The following ZNF718 variants were observed in gnomAD, a reference collection of about 807,000 sequenced individuals.
ZNF718 encodes zinc finger protein 718.
In ZNF718, 3 loss-of-function variants were observed where a neutral mutation model predicts 2.6. That is an observed-to-expected ratio of 1.16 (90% CI 0.53 to 3.01). The LOEUF is 3.01. Among genes scored for constraint, ZNF718 ranks in the 30% most tolerant of loss-of-function variants. ZNF718 has a pLI of 0.03. For missense variants in ZNF718, 468 were observed against 230.0 expected (o/e 2.03, Z -6.69); for synonymous variants, 135 against 77.9 (o/e 1.73, Z -3.86).
At chr4:157,231 G>C (rs1270948735) in intron 3 of ZNF718, among the ~76,000 whole-genome samples, 2 of 149,006 alleles carry the variant, frequency 1.3e-5, no homozygotes, top group Non-Finnish European at 3.0e-5. Flanking sequence ...TCCTGCTTCA[G>C]CCTCCTCAGT....
chr4:191,255 T>G (rs1717689062), intron 3 of ZNF718, among the ~76,000 whole-genome samples: 1 of 150,416 alleles, frequency 6.6e-6, no homozygotes. Flanking sequence ...TTCAAGCAAT[T>G]CTCCTGTCTC....
At chr4:155,293 G>T (rs571643258) in intron 3 of ZNF718, among the ~76,000 whole-genome samples, 3 of 152,258 alleles carry the variant, frequency 2.0e-5, no homozygotes, top group South Asian at 4.1e-4. Context: ...TGAGAAGCAG[G>T]CCACTGTCCT....
exon 5 of ZNF718, chr4:202,055 C>G (rs1467330204): frequency 6.6e-6 from 1 of 152,596 alleles, no homozygotes; most frequent in East Asian, 1.9e-4. Context: ...CTATAATTCC[C>G]ATACGTTGTG....
At chr4:187,003 C>T (rs1277130712) in intron 3 of ZNF718, among the ~76,000 whole-genome samples, 1 of 152,102 alleles carries the variant, frequency 6.6e-6, no homozygotes, top group Non-Finnish European at 1.5e-5. Context: ...TTTGAGTTTT[C>T]ATCATGTTTG....
intron 3 of ZNF718, among the ~76,000 whole-genome samples, chr4:178,590 T>C (rs1427704137): frequency 2.0e-5 from 3 of 152,198 alleles, no homozygotes; most frequent in Non-Finnish European, 4.4e-5. Context: ...GCCATGCTAA[T>C]GGGTGAGAGG....
chr4:159,129 T>C lies in ZNF718; in HGVS notation c.227-1783T>C, dbSNP rs555556613. Among the ~76,000 whole-genome samples, 5 of 151,532 alleles carry C rather than the reference T, an allele frequency of 3.3e-5. No homozygotes were observed. The South Asian group carries it at 8.4e-4, about 25-fold the overall frequency. ...TTGGCTCACTGCAACCTCTGCCTCC[T>C]GGGTTCAAGCAATTCTTTTGCCTCA... On this transcript the variant is annotated intron_variant, in intron 3 of 3. Transcript: ENST00000510175.
intron 3 of ZNF718, among the ~76,000 whole-genome samples, chr4:174,817 G>A (rs769605501): frequency 4.1e-4 from 63 of 152,142 alleles, no homozygotes; most frequent in Non-Finnish European, 7.2e-4. Context: ...AAGTAACAAA[G>A]GTTCATATTT....
At chr4:144,851 C>G (rs1458526190) in intron 3 of ZNF718, among the ~76,000 whole-genome samples, 1 of 152,078 alleles carries the variant, frequency 6.6e-6, no homozygotes, top group Non-Finnish European at 1.5e-5. Context: ...AATCCTGTAT[C>G]TTGACTAAAT....
At position 161,577 on chromosome 4, in the gene ZNF718, C is replaced by T. The variant is rs782096660; in HGVS notation, c.892C>T (p.Leu298Phe). 1.3e-6 allele frequency: 1 copy of T among 780,878 alleles called. No individual in the cohort carries two copies. The highest frequency in any genetic ancestry group is 1.3e-5 in the South Asian group (1 of 74,604). 48.4% of individuals were successfully genotyped at this position (780,878 alleles called of 1,614,324 possible). The change falls in exon 4 of 4, where the codon CTT (leucine) becomes TTT (phenylalanine). Residue 298 changes from leucine to phenylalanine, a missense_variant. Physicochemically the swap from Leu to Phe is conservative, Grantham distance 22. Coordinates refer to ENST00000510175, the MANE Select transcript of ZNF718 (RefSeq NM_001039127.6). ...CGKAFKWSSS[L>F]NEHKRIHAGE... ...TAAAGCCTTTAAGTGGTCCTCATCC[C>T]TTAATGAACATAAGAGAATTCATGC...
At chr4:154,977 T>A (rs1324269830) in intron 3 of ZNF718, among the ~76,000 whole-genome samples, 3 of 152,174 alleles carry the variant, frequency 2.0e-5, no homozygotes, top group Admixed American at 6.5e-5. Flanking sequence ...TGGTGCCCTG[T>A]GTCCCAGCTA....
rs560460128 is a variant in ZNF718 at position 175,483 on chromosome 4, C to T, written c.227-25598C>T. Among the ~76,000 whole-genome samples, 98 of 152,138 alleles carry T rather than the reference C, an allele frequency of 6.4e-4. 1 individual carries two copies. The highest frequency in any genetic ancestry group is 1.0e-3 in the Non-Finnish European group (71 of 68,022). On this transcript the variant is annotated intron_variant and NMD_transcript_variant, in intron 3 of 4. Transcript: ENST00000642529. ...GAATGAGAGGATAAGTAATGTTCTC[C>T]CTCTTTTTACCTTAAAGTAGGGCAA... is the stretch of plus-strand genomic sequence containing the variant.
At chr4:124,989 C>G in intron 1 of ZNF718, 1 of 321,552 alleles carries the variant, frequency 3.1e-6, no homozygotes, top group East Asian at 7.8e-5. Flanking sequence ...GAATCCCGTC[C>G]CTACTTTACC....
At chr4:178,285 C>G (rs1312332448) in intron 3 of ZNF718, among the ~76,000 whole-genome samples, 3 of 151,882 alleles carry the variant, frequency 2.0e-5, no homozygotes, top group Non-Finnish European at 2.9e-5. Flanking sequence ...ACTACAGGTA[C>G]ATGTCACTAC....
chr4:136,669 A>C (rs1237222626), intron 3 of ZNF718, among the ~76,000 whole-genome samples: 1 of 152,204 alleles, frequency 6.6e-6, no homozygotes, highest in Non-Finnish European at 1.5e-5. Flanking sequence ...ACTACTTAAG[A>C]TATCTTACCT....
downstream of ZNF718, among the ~76,000 whole-genome samples, chr4:168,139 T>TG (rs1264485594): frequency 2.0e-5 from 3 of 152,218 alleles, no homozygotes; most frequent in African/African-American, 7.2e-5. Context: ...TCTGTTTAGA[T>TG]GCTGGATTAC....
chr4:160,735 TACAG>T (rs1279733075), intron 3 of ZNF718, among the ~76,000 whole-genome samples, 173 bp from the exon 4 acceptor site: 35 of 152,094 alleles, frequency 2.3e-4, no homozygotes, highest in African/African-American at 7.5e-4. Context: ...GTATTTTTAG[TACAG>T]ACAGTGTTTC....
intron 3 of ZNF718, among the ~76,000 whole-genome samples, chr4:157,169 A>T (rs187992791): frequency 7.8e-6 from 1 of 128,738 alleles, no homozygotes; most frequent in Admixed American, 9.3e-5. Flanking sequence ...CTGGAGTGCA[A>T]TGGTGCAATC....
At chr4:177,250 C>CT (rs1205689263) in intron 3 of ZNF718, among the ~76,000 whole-genome samples, 1 of 152,166 alleles carries the variant, frequency 6.6e-6, no homozygotes, top group Non-Finnish European at 1.5e-5. Flanking sequence ...TGCTCAAACT[C>CT]TAACAGGGTT....
downstream of ZNF718, among the ~76,000 whole-genome samples, chr4:165,219 TG>T (rs1553816532): frequency 6.6e-6 from 1 of 152,188 alleles, no homozygotes; most frequent in African/African-American, 2.4e-5. Flanking sequence ...TGTTTTAATG[TG>T]GTAAATTACT....
Sources: gnomAD v4.1 joint callset for allele counts (sites outside exome capture counted in the v4.1 genomes callset) on GRCh38, gnomAD v4.1.1 for gene constraint, MANE v1.5 for transcripts, NCBI Gene and HGNC (gene_info 2026-07-23, HGNC 2026-07-21) for gene names.